The following RGS13 variants were observed in gnomAD, a reference collection of about 807,000 sequenced individuals.
RGS13 encodes regulator of G-protein signalling 13.
A neutral mutation model predicts 19.9 loss-of-function variants in RGS13; 14 were observed. The observed-to-expected ratio is 0.70, with a 90% CI of 0.46 to 1.10. The LOEUF (loss-of-function observed/expected upper bound fraction) is 1.10, where lower values mean the gene tolerates loss of function less well. Ranked by LOEUF, RGS13 falls within the 50% of genes least tolerant of loss-of-function variation. The pLI is 0.00. For missense variants in RGS13, 205 were observed against 187.1 expected, an observed-to-expected ratio of 1.10 and a Z score of -0.56; for synonymous variants, 60 against 56.8, an observed-to-expected ratio of 1.06 and a Z score of -0.25.
rs1558049206 is a variant in RGS13 at position 192,641,250 on chromosome 1, AAAGAAAAG to A, written c.-5+3050_-5+3057del. Among the ~76,000 whole-genome samples, 436 of 56,214 alleles carry A rather than the reference AAAGAAAAG, an allele frequency of 7.8e-3. 1 individual carries two copies. The highest frequency in any genetic ancestry group is 0.032 in the Middle Eastern group (4 of 124). The allele number at this position is 56,214 out of a possible 152,430, so 36.9% of individuals were successfully genotyped here. On this transcript the variant is annotated intron_variant, in intron 3 of 6. Transcript: ENST00000391995. ...AAAGAAAGAAAGAAAGAAAGAAAAG[AAAGAAAAG>A]AAAGAAAGAAAGAAAGAAAGAAAGA...
At chr1:192,655,141 T>C (rs181441560) in intron 5 of RGS13, among the ~76,000 whole-genome samples, 170 of 152,262 alleles carry the variant, frequency 1.1e-3, no homozygotes, top group African/African-American at 3.9e-3. Flanking sequence ...CTAAGATTCC[T>C]GGAACACTTT....
At chr1:192,648,790 T>C (rs974265640) in intron 5 of RGS13, among the ~76,000 whole-genome samples, 19 of 152,114 alleles carry the variant, frequency 1.2e-4, no homozygotes, top group Admixed American at 7.2e-4. Context: ...TTTAGAGCTA[T>C]GGACTATGAA....
intron 5 of RGS13, 111 bp from the exon 6 acceptor site, chr1:192,658,090 C>A: frequency 1.5e-6 from 1 of 684,902 alleles, no homozygotes. Flanking sequence ...AAAATATTTA[C>A]TTGTTAAATA....
At chr1:192,644,651 TA>T (rs1259822996) in intron 4 of RGS13, 1 of 324,232 alleles carries the variant, frequency 3.1e-6, no homozygotes, top group African/African-American at 2.1e-5. Flanking sequence ...CTGTTCTTTT[TA>T]AAAAACAAAG....
chr1:192,645,428 G>A (rs1158206730), intron 4 of RGS13: 6 of 152,096 alleles, frequency 3.9e-5, no homozygotes, highest in African/African-American at 9.7e-5. Context: ...AACATTGTGC[G>A]ATAGACGTTA....
At chr1:192,640,202 C>T (rs924778901) in intron 3 of RGS13, among the ~76,000 whole-genome samples, 7 of 152,010 alleles carry the variant, frequency 4.6e-5, no homozygotes, top group East Asian at 1.9e-4. Context: ...AGATAAGCTG[C>T]GAGTCATTGT....
intron 4 of RGS13, chr1:192,644,965 T>C (rs970996903): frequency 6.6e-6 from 1 of 152,438 alleles, no homozygotes; most frequent in African/African-American, 2.4e-5. Flanking sequence ...TAACCATGAG[T>C]GCCTAACATA....
At chr1:192,642,108 C>T (rs1663133329) in intron 3 of RGS13, among the ~76,000 whole-genome samples, 1 of 152,146 alleles carries the variant, frequency 6.6e-6, no homozygotes, top group Non-Finnish European at 1.5e-5. Context: ...AATTTTAAAT[C>T]CTGCAATGAT....
intron 3 of RGS13, among the ~76,000 whole-genome samples, chr1:192,642,244 C>G (rs544554795): frequency 5.9e-5 from 9 of 151,688 alleles, no homozygotes; most frequent in Admixed American, 5.3e-4. Context: ...ATTATTGGTT[C>G]AATCTTAACT....
At chr1:192,641,264 AAGAAAGAAAG>A (rs1663111763) in intron 3 of RGS13, among the ~76,000 whole-genome samples, 1 of 110,180 alleles carries the variant, frequency 9.1e-6, no homozygotes, top group South Asian at 3.3e-4. Flanking sequence ...AAAAGAAAGA[AAGAAAGAAAG>A]AAAGAAAGAA....
chr1:192,653,678 T>C (rs1417042678), intron 5 of RGS13, among the ~76,000 whole-genome samples: 1 of 152,118 alleles, frequency 6.6e-6, no homozygotes, highest in Non-Finnish European at 1.5e-5. Context: ...TGCTATTAAC[T>C]ATGAAAGAAT....
In RGS13 at chr1:192,651,939, T is replaced by C. The variant is rs572652427; in HGVS notation, c.127+3952T>C. Among the ~76,000 whole-genome samples, 4 of 152,192 alleles carry C rather than the reference T, an allele frequency of 2.6e-5. No homozygotes were observed. The South Asian group carries it at 8.3e-4, about 32-fold the overall frequency. On this transcript the variant is annotated intron_variant, in intron 5 of 6. Transcript: ENST00000391995. Reference sequence around the variant, plus strand: ...TTGACTGGGCAGTGTTGAGTGTCTGTTTAAAATCTGAAGTTATGATTTCAA... The same window carrying C: ...TTGACTGGGCAGTGTTGAGTGTCTGCTTAAAATCTGAAGTTATGATTTCAA...
chr1:192,640,101 G>A (rs1035746784), intron 3 of RGS13, among the ~76,000 whole-genome samples: 2 of 152,094 alleles, frequency 1.3e-5, no homozygotes, highest in Non-Finnish European at 2.9e-5. Flanking sequence ...TAGGGGAGAA[G>A]TCAAGTCTCA....
At chr1:192,657,367 T>G (rs1374825526) in intron 5 of RGS13, among the ~76,000 whole-genome samples, 1 of 152,142 alleles carries the variant, frequency 6.6e-6, no homozygotes, top group Non-Finnish European at 1.5e-5. Flanking sequence ...AATTAATATG[T>G]TAGATTTGTG....
At chr1:192,657,528 T>C (rs1663463514) in intron 5 of RGS13, among the ~76,000 whole-genome samples, 1 of 152,140 alleles carries the variant, frequency 6.6e-6, no homozygotes, top group Admixed American at 6.6e-5. Context: ...CATCAAGTGT[T>C]ATGTGATGGT....
chr1:192,641,208 GAAAGAAAGAA>G lies in RGS13; in HGVS notation c.-5+3007_-5+3016del, dbSNP rs1663100686. On this transcript the variant is annotated intron_variant, in intron 3 of 6. Coordinates refer to ENST00000391995, the MANE Select transcript of RGS13 (RefSeq NM_002927.5). ...GAAAGAAAAAAAAGAAAAAAGGAAAGAAAGAAAGAAAGAGAGAAAGAAAGAAAGAAAGAAA... is the reference window on the plus strand; with the variant it reads ...GAAAGAAAAAAAAGAAAAAAGGAAAGAGAGAGAAAGAAAGAAAGAAAGAAA... 1.4e-4 allele frequency among the ~76,000 whole-genome samples: 12 copies of G among 88,562 alleles called. 1 individual carries two copies. The South Asian group carries it at 2.0e-3, about 15-fold the overall frequency. 58.1% of individuals were successfully genotyped at this position (88,562 alleles called of 152,430 possible). A position where few individuals can be genotyped will look rare whatever the true frequency, so the allele number is the denominator to read the frequency against.
chr1:192,648,148 T>C (rs1233909345), intron 5 of RGS13, among the ~76,000 whole-genome samples, 161 bp downstream of exon 5: 1 of 152,184 alleles, frequency 6.6e-6, no homozygotes, highest in African/African-American at 2.4e-5. Context: ...GTTTGTTATG[T>C]CAACCACTAT....
chr1:192,640,515 A>G (rs10801138), intron 3 of RGS13, among the ~76,000 whole-genome samples: 54,957 of 152,064 alleles, frequency 0.36, 12,085 homozygotes, highest in East Asian at 0.59. Flanking sequence ...GAACCTAACT[A>G]TGCACACAAA....
chr1:192,647,938 G>A lies in RGS13; in HGVS notation c.78G>A (p.Glu26=), dbSNP rs371023797. Reference sequence around the variant, plus strand: ...TTTCTTTTCAAAGCCTTACTTTGGAGGAAGTATTACAGTGGGCCCAGTCTT... The same window carrying A: ...TTTCTTTTCAAAGCCTTACTTTGGAAGAAGTATTACAGTGGGCCCAGTCTT... The part of the protein sequence containing the change: ...SKRPPSNLTL[E]EVLQWAQSFE... The change falls in exon 5 of 7, where the codon GAG becomes GAA. Residue 26 remains glutamate (E), a synonymous_variant. Transcript: ENST00000391995. The A allele has an allele frequency of 1.1e-5, 17 of 1,595,434 alleles. No homozygotes were observed. The highest frequency in any genetic ancestry group is 1.7e-4 in the Middle Eastern group (1 of 6,008).
Sources: allele counts gnomAD v4.1 joint callset (sites outside exome capture counted in the v4.1 genomes callset), GRCh38; gene constraint gnomAD v4.1.1; transcripts MANE v1.5; gene names NCBI Gene and HGNC (gene_info 2026-07-23, HGNC 2026-07-21).